The following SPECC1 variants were observed in gnomAD, a reference collection of about 807,000 sequenced individuals.
SPECC1 encodes the protein sperm antigen with calponin homology and coiled-coil domains 1.
In SPECC1, 62 loss-of-function variants were observed where a neutral mutation model predicts 104.1. That is an observed-to-expected ratio of 0.60 (90% CI 0.49 to 0.74). SPECC1 has a LOEUF of 0.74. Ranked by LOEUF, SPECC1 falls within the 30% of genes least tolerant of loss-of-function variation. SPECC1 has a pLI of 0.00. For missense variants in SPECC1, 1,306 were observed against 1,310.5 expected (o/e 1.00, Z 0.05); for synonymous variants, 513 against 501.6 (o/e 1.02, Z -0.30).
intron 4 of SPECC1, among the ~76,000 whole-genome samples, chr17:20,224,196 A>G (rs2038070395): frequency 6.6e-6 from 1 of 152,142 alleles, no homozygotes; most frequent in Non-Finnish European, 1.5e-5. Flanking sequence ...TCCCCTAAAC[A>G]CACAGAGTCT....
At chr17:20,167,534 C>T (rs1166068694) in intron 3 of SPECC1, among the ~76,000 whole-genome samples, 8 of 152,022 alleles carry the variant, frequency 5.3e-5, no homozygotes, top group Non-Finnish European at 8.8e-5. Flanking sequence ...CAAAATTAGA[C>T]GGGCATAGTG....
At chr17:20,305,163 G>C (rs7208290) in intron 13 of SPECC1, among the ~76,000 whole-genome samples, 1 of 151,966 alleles carries the variant, frequency 6.6e-6, no homozygotes, top group Non-Finnish European at 1.5e-5. Flanking sequence ...CTGTGATGCC[G>C]CTTGTGGTTT....
intron 3 of SPECC1, among the ~76,000 whole-genome samples, chr17:20,200,944 T>C (rs912972992): frequency 4.0e-5 from 6 of 151,770 alleles, no homozygotes; most frequent in African/African-American, 1.5e-4. Context: ...GGCTGGATTG[T>C]ACATTTCATA....
intron 1 of SPECC1, among the ~76,000 whole-genome samples, chr17:20,030,263 A>G (rs1483190277): frequency 6.6e-6 from 1 of 152,154 alleles, no homozygotes; most frequent in Non-Finnish European, 1.5e-5. Flanking sequence ...AACTTACCAG[A>G]ATATACTTCA....
At chr17:20,237,952 G>C in intron 7 of SPECC1, 1 of 741,742 alleles carries the variant, frequency 1.3e-6, no homozygotes, top group Non-Finnish European at 1.7e-6. Context: ...ATGTTGGTCA[G>C]GCTGGTCTCG....
intron 3 of SPECC1, among the ~76,000 whole-genome samples, chr17:20,121,068 A>T (rs1200411284): frequency 6.6e-6 from 1 of 152,150 alleles, no homozygotes; most frequent in East Asian, 1.9e-4. Context: ...CTCCAACAAT[A>T]GCAAGAACAC....
At chr17:20,227,902 G>T (rs1279851327) in intron 5 of SPECC1, among the ~76,000 whole-genome samples, 1 of 152,122 alleles carries the variant, frequency 6.6e-6, no homozygotes, top group African/African-American at 2.4e-5. Flanking sequence ...ATGAGGTCAA[G>T]CCCAGGAGAA....
rs753170822 is a variant in SPECC1 at position 20,205,888 on chromosome 17, A to G, written c.1839A>G (p.Lys613=). ...TACTAAAGGCAAACGGTGAAATTAAACATGTTTCCAGTCTGCTGGCCAAGG... is the reference window on the plus strand; with the variant it reads ...TACTAAAGGCAAACGGTGAAATTAAGCATGTTTCCAGTCTGCTGGCCAAGG... ...QELLKANGEI[K]HVSSLLAKVE... The change falls in exon 4 of 15, where the codon AAA becomes AAG. Residue 613 remains lysine (K), a synonymous_variant. Transcript: ENST00000395527. 1 of 1,611,836 alleles carries G rather than the reference A, an allele frequency of 6.2e-7. No homozygotes were observed. Among genetic ancestry groups the G allele is most frequent in the East Asian group, 2.2e-5 (1 of 44,886 alleles).
chr17:20,287,240 AC>A (rs1015994848), intron 12 of SPECC1, among the ~76,000 whole-genome samples: 2 of 151,948 alleles, frequency 1.3e-5, no homozygotes, highest in Admixed American at 1.3e-4. Context: ...ACAAGGTGAA[AC>A]CCCGTCTCTA....
At chr17:20,129,736 T>G (rs976374881) in intron 3 of SPECC1, among the ~76,000 whole-genome samples, 4 of 151,962 alleles carry the variant, frequency 2.6e-5, no homozygotes, top group African/African-American at 4.8e-5. Flanking sequence ...TTGTTGTTGT[T>G]GTTGTTGTTG....
chr17:20,282,349 T>C (rs1318910226), intron 12 of SPECC1, among the ~76,000 whole-genome samples: 2 of 152,220 alleles, frequency 1.3e-5, no homozygotes, highest in African/African-American at 4.8e-5. Context: ...GGAAGGGCGC[T>C]GCTTCCTGCA....
intron 1 of SPECC1, among the ~76,000 whole-genome samples, chr17:20,038,897 T>A (rs2045208160): frequency 6.6e-6 from 1 of 152,244 alleles, no homozygotes; most frequent in South Asian, 2.1e-4. Context: ...GAGCACACTC[T>A]GTATGACTTC....
intron 3 of SPECC1, among the ~76,000 whole-genome samples, chr17:20,160,390 G>A (rs2033027618): frequency 6.6e-6 from 1 of 152,116 alleles, no homozygotes; most frequent in Admixed American, 6.5e-5. Context: ...GCCAGGCCTA[G>A]AAGTGGTGCA....
At chr17:20,216,857 T>C (rs2037522785) in intron 4 of SPECC1, among the ~76,000 whole-genome samples, 1 of 152,102 alleles carries the variant, frequency 6.6e-6, no homozygotes, top group South Asian at 2.1e-4. Context: ...CTAGAGAAGT[T>C]AAACTCTAAG....
intron 3 of SPECC1, among the ~76,000 whole-genome samples, chr17:20,118,191 A>G (rs2048857492): frequency 6.8e-6 from 1 of 146,162 alleles, no homozygotes; most frequent in Non-Finnish European, 1.5e-5. Context: ...AAAAATTAAA[A>G]CAGTTTATCA....
intron 12 of SPECC1, among the ~76,000 whole-genome samples, chr17:20,261,065 C>T (rs187294879): frequency 1.2e-3 from 190 of 152,124 alleles, no homozygotes; most frequent in Non-Finnish European, 1.8e-3. Context: ...TATGAGAGTG[C>T]GGAAAAACAG....
intron 9 of SPECC1, among the ~76,000 whole-genome samples, chr17:20,251,203 C>T (rs1047647511): frequency 5.6e-5 from 3 of 53,696 alleles, no homozygotes; most frequent in Admixed American, 2.2e-4. Flanking sequence ...CACTCCTGGG[C>T]GACAGAGTAA....
At chr17:20,298,948 A>AGAGAGAGAGTGTGTGGGTGTGTGT in intron 13 of SPECC1, among the ~76,000 whole-genome samples, 1 of 49,072 alleles carries the variant, frequency 2.0e-5, no homozygotes, top group Non-Finnish European at 3.7e-5. Context: ...AGAGAGAGAG[A>AGAGAGAGAGTGTGTGGGTGTGTGT]GTGTGTGTGT....
At chr17:20,061,865 A>G (rs192635986) in intron 1 of SPECC1, among the ~76,000 whole-genome samples, 8 of 152,288 alleles carry the variant, frequency 5.3e-5, no homozygotes, top group Admixed American at 5.2e-4. Context: ...TTTCTCCTGT[A>G]TCATATCCAG....
Sources: gnomAD v4.1 joint callset for allele counts (sites outside exome capture counted in the v4.1 genomes callset) on GRCh38, gnomAD v4.1.1 for gene constraint, MANE v1.5 for transcripts, NCBI Gene and HGNC (gene_info 2026-07-23, HGNC 2026-07-21) for gene names.